Variants in CHD9 observed in about 807,000 individuals in gnomAD.
The protein encoded by CHD9 is ATP-dependent chromatin remodeler CHD9.
Under a neutral mutation model 316.1 loss-of-function variants are expected in CHD9, and 77 were observed. That is an observed-to-expected ratio of 0.24 (90% CI 0.20 to 0.29). The LOEUF (loss-of-function observed/expected upper bound fraction) is 0.29. Among genes scored for constraint, CHD9 ranks in the 10% least tolerant of loss-of-function variants. The probability of loss-of-function intolerance (pLI) is 1.00; values close to 1 mark genes in which losing one functional copy is unlikely to be tolerated. For synonymous variants in CHD9, 1,129 were observed against 1,158.3 expected, an observed-to-expected ratio of 0.97 and a Z score of 0.51; for missense variants, 2,763 against 3,438.1, an observed-to-expected ratio of 0.80 and a Z score of 4.91.
chr16:53,263,071 A>G lies in CHD9; in HGVS notation c.4294A>G (p.Ile1432Val). The G allele has an allele frequency of 6.2e-7, 1 of 1,612,624 alleles. No homozygotes were observed. Among genetic ancestry groups the G allele is most frequent in the Non-Finnish European group, 8.5e-7 (1 of 1,179,000 alleles). ...FWQKWAKKAE[I>V]DIEAISGRNS... ...GCAAAAATGGGCTAAAAAGGCAGAA[A>G]TAGATATAGAGGCCATCAGTGGCAG... The change falls in exon 20 of 39, where the codon ATA becomes GTA. Residue 1432 changes from isoleucine (I) to valine (V), a missense_variant. By Grantham distance (29) the Ile-to-Val change is conservative. Around this residue, in one of 15 missense-constraint regions of CHD9, gnomAD observed 199 missense variants for 251.7 expected, o/e 0.79. Transcript: ENST00000447540.
rs1429778610 is a variant in CHD9, at chr16:53,308,648, T to A, written c.7054-38T>A. 4 of 1,520,654 alleles carry A rather than the reference T, an allele frequency of 2.6e-6. No individual in the cohort carries two copies. The East Asian group carries it at 6.9e-5, about 26-fold the overall frequency. 94.2% of individuals were successfully genotyped at this position (1,520,654 alleles called of 1,614,324 possible). A position where few individuals can be genotyped will look rare whatever the true frequency, so the allele number is the denominator to read the frequency against. On this transcript the variant is annotated intron_variant, in intron 33 of 38. Coordinates refer to ENST00000447540, the MANE Select transcript of CHD9 (RefSeq NM_001308319.2). ...TAATATCCTGCAATAAGATTTTTTT[T>A]AACAGTTTCTGTCTTAATAATGGTA...
At chr16:53,197,365 T>A (rs1198645579) in intron 2 of CHD9, among the ~76,000 whole-genome samples, 2 of 152,170 alleles carry the variant, frequency 1.3e-5, no homozygotes, top group Non-Finnish European at 2.9e-5. Flanking sequence ...TTGAGTGACA[T>A]TTTTTACTCA....
rs914095038 is a variant in CHD9, at chr16:53,245,325, A to C, written c.3055-11A>C. The C allele has an allele frequency of 6.7e-7, 1 of 1,503,370 alleles. No homozygotes were observed. The highest frequency in any genetic ancestry group is 2.7e-5 in the Admixed American group (1 of 37,544). The allele number at this position is 1,503,370 out of a possible 1,614,324, so 93.1% of individuals were successfully genotyped here. Reference sequence around the variant, plus strand: ...GTGATGTTTGATGTGAATTGTTCTCACTTTTTGTAGGAACACAAGGTGCTT... The same window carrying C: ...GTGATGTTTGATGTGAATTGTTCTCCCTTTTTGTAGGAACACAAGGTGCTT... On this transcript the variant is annotated splice_polypyrimidine_tract_variant and intron_variant, in intron 13 of 38. Transcript: ENST00000447540. The surrounding 1 kb of genome is among the most constrained non-coding windows in gnomAD (Gnocchi z 4.1).
intron 12 of CHD9, 129 bp from the exon 13 acceptor site, chr16:53,242,711 G>A: frequency 1.4e-6 from 1 of 732,230 alleles, no homozygotes; most frequent in Non-Finnish European, 2.3e-6. Context: ...TCATTGTAAG[G>A]GAGTGTCTGC....
intron 1 of CHD9, among the ~76,000 whole-genome samples, chr16:53,055,818 C>A (rs1596821122): frequency 6.6e-6 from 1 of 152,094 alleles, no homozygotes; most frequent in Non-Finnish European, 1.5e-5. Context: ...AAGGGTTGAA[C>A]TCGAAAGTGG....
chr16:53,056,344 G>C (rs1422682097), intron 1 of CHD9, among the ~76,000 whole-genome samples: 1 of 152,134 alleles, frequency 6.6e-6, no homozygotes, highest in Non-Finnish European at 1.5e-5. Flanking sequence ...GGGTTGCCTT[G>C]GGAATTATTC....
At chr16:53,112,550 T>C (rs1283198310) in intron 1 of CHD9, among the ~76,000 whole-genome samples, 1 of 152,242 alleles carries the variant, frequency 6.6e-6, no homozygotes, top group Non-Finnish European at 1.5e-5. Context: ...TATGGGCCAT[T>C]CTTTTTGTTT....
Position 53,306,314 on chromosome 16 carries a change from A to G in CHD9, c.6697A>G (p.Ser2233Gly). The G allele has an allele frequency of 6.2e-7, 1 of 1,611,998 alleles. No individual in the cohort carries two copies. Among genetic ancestry groups the G allele is most frequent in the Non-Finnish European group, 8.5e-7 (1 of 1,179,016 alleles). Residue 2233 changes from serine to glycine, a missense_variant, in exon 32 of 39, where the codon AGT becomes GGT. This residue lies in a region of CHD9 where 663 missense variants were observed against 751.2 expected (regional missense o/e 0.88). Coordinates refer to ENST00000447540, the MANE Select transcript of CHD9 (RefSeq NM_001308319.2). ...LSTTQDETQD[S>G]FQMNNGTPES... ...CACTACCCAGGATGAGACTCAGGAT[A>G]GTTTTCAGATGAACAATGGGACACC...
chr16:53,266,564 A>T (rs908996257), intron 20 of CHD9, among the ~76,000 whole-genome samples: 1 of 152,166 alleles, frequency 6.6e-6, no homozygotes, highest in Non-Finnish European at 1.5e-5. Flanking sequence ...GATACCTCTT[A>T]TATCATAAAA....
At chr16:53,253,375 T>A (rs1426469497) in intron 17 of CHD9, among the ~76,000 whole-genome samples, 1 of 152,180 alleles carries the variant, frequency 6.6e-6, no homozygotes, top group Non-Finnish European at 1.5e-5. Flanking sequence ...TTCTCACTCA[T>A]AAGTGGGAAC....
intron 13 of CHD9, among the ~76,000 whole-genome samples, chr16:53,243,582 GGATTA>G (rs2049294955): frequency 6.6e-6 from 1 of 152,160 alleles, no homozygotes; most frequent in Admixed American, 6.5e-5. Context: ...AAAAGTGCTG[GGATTA>G]CAGGCGTGAG....
intron 2 of CHD9, among the ~76,000 whole-genome samples, chr16:53,197,610 G>A (rs892767886): frequency 4.0e-5 from 6 of 151,170 alleles, no homozygotes; most frequent in African/African-American, 1.5e-4. Flanking sequence ...AATTGAATGG[G>A]ACTAAGCAGC....
rs1567306263 is a variant in CHD9 at position 53,070,485 on chromosome 16, T to TTCCTTCCTTCC, written c.-165+15409_-165+15410insCCTTCCTTCCT. Among the ~76,000 whole-genome samples the TTCCTTCCTTCC allele has an allele frequency of 6.4e-4, 95 of 147,976 alleles. 1 individual carries two copies. Among genetic ancestry groups the TTCCTTCCTTCC allele is most frequent in the African/African-American group, 1.8e-3 (69 of 38,568 alleles). On this transcript the variant is annotated intron_variant, in intron 1 of 38. Coordinates refer to ENST00000447540, the MANE Select transcript of CHD9 (RefSeq NM_001308319.2). ...CGAGTAGCATGTCTTTCTTTCTTTC[T>TTCCTTCCTTCC]TTCTTTCCTTCCTTCCTTCCTTCCT... is the stretch of plus-strand genomic sequence containing the variant.
intron 1 of CHD9, among the ~76,000 whole-genome samples, chr16:53,117,368 T>C (rs1746303417): frequency 6.6e-6 from 1 of 152,000 alleles, no homozygotes; most frequent in Admixed American, 6.6e-5. Context: ...TACAGACTAT[T>C]CATGTGGCGA....
intron 5 of CHD9, 177 bp from the exon 6 acceptor site, chr16:53,227,219 G>T: frequency 2.1e-6 from 1 of 477,492 alleles, no homozygotes. Context: ...GTGATGAAAA[G>T]GACAATGACA....
intron 2 of CHD9, among the ~76,000 whole-genome samples, chr16:53,193,986 T>G (rs2044687474): frequency 6.6e-6 from 1 of 152,196 alleles, no homozygotes; most frequent in African/African-American, 2.4e-5. Context: ...TATCTAAAAG[T>G]GAATTTTTGA....
At chr16:53,226,654 T>A in intron 5 of CHD9, 142 bp downstream of exon 5, 1 of 894,260 alleles carries the variant, frequency 1.1e-6, no homozygotes, top group Non-Finnish European at 1.7e-6. Flanking sequence ...TCATTCAAAT[T>A]AGAAACCTAG....
In CHD9 at chr16:53,113,809, G is replaced by A. The variant is rs528542366; in HGVS notation, c.-164-42117G>A. On this transcript the variant is annotated intron_variant, in intron 1 of 38. Coordinates refer to ENST00000447540, the MANE Select transcript of CHD9 (RefSeq NM_001308319.2). ...TCAAACTGAACTCCTAGGCGTAAGC[G>A]ATTCTCTCACCTCAGCCTCCTGAGT... Among the ~76,000 whole-genome samples, 156 of 151,948 alleles carry A rather than the reference G, an allele frequency of 1.0e-3. 2 individuals are homozygous for A. The Middle Eastern group carries it at 0.031, about 30-fold the overall frequency.
At chr16:53,312,113 A>T (rs2056520696) in intron 34 of CHD9, 1 of 152,192 alleles carries the variant, frequency 6.6e-6, no homozygotes, top group Non-Finnish European at 1.5e-5. Flanking sequence ...ATATGTTTGT[A>T]AATGTACACA....
Sources: gnomAD v4.1 joint callset for allele counts (sites outside exome capture counted in the v4.1 genomes callset) on GRCh38, gnomAD v4.1.1 for gene constraint, gnomAD v4.1.1 regional missense constraint, Gnocchi (gnomAD v3.1) non-coding constraint, MANE v1.5 for transcripts, NCBI Gene and HGNC (gene_info 2026-07-23, HGNC 2026-07-21) for gene names.